Variants in MED1 observed in about 807,000 individuals in gnomAD.
MED1 encodes the protein mediator complex subunit 1, also known as mediator of RNA polymerase II transcription subunit 1.
Under a neutral mutation model 121.3 loss-of-function variants are expected in MED1, and 17 were observed. The observed-to-expected ratio is 0.14, with a 90% CI of 0.10 to 0.21. The LOEUF (loss-of-function observed/expected upper bound fraction) is 0.21. MED1 is among the 10% of genes least tolerant of loss of function. The probability of loss-of-function intolerance (pLI) is 1.00; values close to 1 mark genes in which losing one functional copy is unlikely to be tolerated. For missense variants in MED1, 1,558 were observed against 1,919.4 expected (o/e 0.81, Z 3.52); for synonymous variants, 661 against 694.4 (o/e 0.95, Z 0.76).
At chr17:39,437,722 G>A (rs981052664) in intron 6 of MED1, among the ~76,000 whole-genome samples, 6 of 151,912 alleles carry the variant, frequency 3.9e-5, no homozygotes, top group Non-Finnish European at 5.9e-5. Flanking sequence ...ATCACCTGAG[G>A]TCAGGAGTTT....
intron 14 of MED1, among the ~76,000 whole-genome samples, chr17:39,418,767 G>A (rs918168866): frequency 3.3e-5 from 5 of 150,840 alleles, no homozygotes; most frequent in Non-Finnish European, 5.9e-5. Context: ...GTTCATCTTC[G>A]TGTGGAAACA....
chr17:39,423,506 T>TC (rs1177842471), intron 12 of MED1, 61 bp from the exon 13 acceptor site: 1 of 1,462,820 alleles, frequency 6.8e-7, no homozygotes, highest in Non-Finnish European at 9.6e-7. Flanking sequence ...CAGCTCAGTT[T>TC]CCCCTTGATA....
chr17:39,422,188 G>A (rs1454545347), intron 13 of MED1, among the ~76,000 whole-genome samples: 1 of 150,686 alleles, frequency 6.6e-6, no homozygotes, highest in Admixed American at 6.6e-5. Context: ...TTTTTGAGAC[G>A]GAGTCTTGCT....
chr17:39,440,474 G>A lies in MED1; in HGVS notation c.311C>T (p.Thr104Met). ...LSASGTECYI[T>M]SDMFYVEVQL... ...CACTTCCACATAGAACATATCTGAC[G>A]TGATGTAACATTCAGTGCCACTGGC... is the stretch of plus-strand genomic sequence containing the variant. Residue 104 changes from threonine to methionine, a missense_variant, in exon 5 of 17, where the codon ACG (threonine) becomes ATG (methionine). This residue lies in a region of MED1 where 443 missense variants were observed against 532.4 expected (regional missense o/e 0.83). Transcript: ENST00000300651. This position sits in a 1 kb window ranked among gnomAD's most constrained non-coding sequence, Gnocchi z 4.1. 1.2e-6 allele frequency: 2 copies of A among 1,605,272 alleles called. No homozygotes were observed. The highest frequency in any genetic ancestry group is 1.7e-6 in the Non-Finnish European group (2 of 1,178,016).
chr17:39,408,486 T>G lies in MED1; in HGVS notation c.3735A>C (p.Ser1245=). The change falls in exon 17 of 17, where the codon TCA becomes TCC. Residue 1245 remains serine, a synonymous_variant. Transcript: ENST00000300651. The surrounding 1 kb of genome is among the most constrained non-coding windows in gnomAD (Gnocchi z 4.7). Reference sequence around the variant, plus strand: ...AGCCTGAGGATCCTAACCCTGAAGATGACTTCATGCCAGAGCTTGAACTAG... The same window carrying G: ...AGCCTGAGGATCCTAACCCTGAAGAGGACTTCATGCCAGAGCTTGAACTAG... ...SGTSSSSGMK[S]SSGLGSSGSL... is the part of the protein sequence containing the mutation. 4 of 1,614,190 alleles carry G rather than the reference T, an allele frequency of 2.5e-6. No individual in the cohort carries two copies. In the South Asian group the frequency reaches 4.4e-5, roughly 18 times the overall value.
At chr17:39,411,932 G>A (rs766840767) in intron 16 of MED1, among the ~76,000 whole-genome samples, 3 of 151,558 alleles carry the variant, frequency 2.0e-5, no homozygotes, top group Non-Finnish European at 2.9e-5. Context: ...GCTTGAACCC[G>A]GGAAGCAGAG....
In MED1 at chr17:39,422,481, T is replaced by G. The variant is rs559075080; in HGVS notation, c.1095+846A>C. Among the ~76,000 whole-genome samples, 45 of 144,358 alleles carry G rather than the reference T, an allele frequency of 3.1e-4. 1 individual carries two copies. The highest frequency in any genetic ancestry group is 9.9e-4 in the African/African-American group (38 of 38,550). The allele number at this position is 144,358 out of a possible 152,430, so 94.7% of individuals were successfully genotyped here. A position where few individuals can be genotyped will look rare whatever the true frequency, so the allele number is the denominator to read the frequency against. ...CACGCCCAGCCTCGTTTTTTTTTTTTTTTTTTTTTTTTGAGACGGAATTTC... is the reference window on the plus strand; with the variant it reads ...CACGCCCAGCCTCGTTTTTTTTTTTGTTTTTTTTTTTTGAGACGGAATTTC... On this transcript the variant is annotated intron_variant, in intron 13 of 16. Coordinates refer to ENST00000300651, the MANE Select transcript of MED1 (RefSeq NM_004774.4).
intron 1 of MED1, among the ~76,000 whole-genome samples, chr17:39,450,427 A>C (rs1195380195): frequency 6.6e-6 from 1 of 152,242 alleles, no homozygotes; most frequent in African/African-American, 2.4e-5. Context: ...TGGAGAAGAT[A>C]AACAATAACA....
intron 1 of MED1, among the ~76,000 whole-genome samples, chr17:39,450,312 T>TGTTTCTTGAGAA (rs1448468261): frequency 6.6e-6 from 1 of 152,152 alleles, no homozygotes; most frequent in Non-Finnish European, 1.5e-5. Context: ...TGCTGATAAA[T>TGTTTCTTGAGAA]ATCTGTACTT....
At chr17:39,411,217 G>T (rs898673505) in intron 16 of MED1, among the ~76,000 whole-genome samples, 10 of 152,112 alleles carry the variant, frequency 6.6e-5, no homozygotes, top group Non-Finnish European at 1.2e-4. Flanking sequence ...TACTCGGGAG[G>T]TTGAGGCAGG....
rs767704593 is a variant in MED1, at chr17:39,410,352, G to T, written c.1869C>A (p.Thr623=). 5.0e-6 allele frequency: 8 copies of T among 1,613,864 alleles called. No individual in the cohort carries two copies. Among genetic ancestry groups the T allele is most frequent in the Non-Finnish European group, 5.9e-6 (7 of 1,179,956 alleles). The change falls in exon 17 of 17, where the codon ACC becomes ACA. Residue 623 remains threonine, a synonymous_variant. Coordinates refer to ENST00000300651, the MANE Select transcript of MED1 (RefSeq NM_004774.4). ...NGGSTIGSSP[T]PPHHTPPPVS... The stretch of plus-strand genomic sequence containing the variant: ...CAGGTGGCGGCGTGTGATGAGGAGG[G>T]GTCGGACTCGAGCCAATGGTAGACC...
At chr17:39,412,499 G>C (rs1351505514) in intron 16 of MED1, among the ~76,000 whole-genome samples, 1 of 149,826 alleles carries the variant, frequency 6.7e-6, no homozygotes, top group East Asian at 2.0e-4. Flanking sequence ...TGGGATTATA[G>C]GCGTGAGCCA....
Position 39,419,804 on chromosome 17 carries a change from C to T in MED1, c.1210G>A (p.Val404Ile), listed in dbSNP as rs1291735132. 1 of 1,614,016 alleles carries T rather than the reference C, an allele frequency of 6.2e-7. No homozygotes were observed. The highest frequency in any genetic ancestry group is 8.5e-7 in the Non-Finnish European group (1 of 1,179,966). ...CTGATCAGATTTAGGATAAGAGGAACTCGGCCAGGGTGCTGAAAGGTGATT... is the reference window on the plus strand; with the variant it reads ...CTGATCAGATTTAGGATAAGAGGAATTCGGCCAGGGTGCTGAAAGGTGATT... ...SKITFQHPGRVPLILNLIRHQ... is the reference protein window; with the variant it reads ...SKITFQHPGRIPLILNLIRHQ... Residue 404 changes from valine to isoleucine, a missense_variant, in exon 14 of 17, where the codon GTT (valine) becomes ATT (isoleucine). Val to Ile is a conservative substitution (Grantham distance 29). Transcript: ENST00000300651.
Position 39,408,587 on chromosome 17 carries a change from C to T in MED1, c.3634G>A (p.Val1212Ile). Residue 1212 changes from valine (V) to isoleucine (I), a missense_variant, in exon 17 of 17, where the codon GTT becomes ATT. This residue lies in a region of MED1 where 793 missense variants were observed against 898.2 expected (regional missense o/e 0.88). Transcript: ENST00000300651. The surrounding 1 kb of genome is among the most constrained non-coding windows in gnomAD (Gnocchi z 4.7). Reference protein sequence around the residue: ...SDKLASPMKPVPGTPPSSKAK... With the variant: ...SDKLASPMKPIPGTPPSSKAK... ...TTAGAGGATGGAGGAGTTCCAGGAACAGGCTTCATTGGAGAGGCAAGCTTG... is the reference window on the plus strand; with the variant it reads ...TTAGAGGATGGAGGAGTTCCAGGAATAGGCTTCATTGGAGAGGCAAGCTTG... 2 of 1,614,158 alleles carry T rather than the reference C, an allele frequency of 1.2e-6. No individual in the cohort carries two copies. The highest frequency in any genetic ancestry group is 1.7e-6 in the Non-Finnish European group (2 of 1,180,032).
At chr17:39,435,249 A>C (rs749300922) in intron 6 of MED1, among the ~76,000 whole-genome samples, 22 of 152,124 alleles carry the variant, frequency 1.4e-4, no homozygotes, top group Non-Finnish European at 2.8e-4. Flanking sequence ...GAAAACAAAT[A>C]CTAGGACAGA....
intron 6 of MED1, among the ~76,000 whole-genome samples, chr17:39,437,282 T>C (rs2048629164): frequency 6.6e-6 from 1 of 152,180 alleles, no homozygotes. Flanking sequence ...TTCGCCAGGC[T>C]GGCTAGGCTG....
intron 14 of MED1, among the ~76,000 whole-genome samples, chr17:39,418,731 A>G (rs1413105533): frequency 6.6e-6 from 1 of 151,414 alleles, no homozygotes; most frequent in African/African-American, 2.4e-5. Flanking sequence ...TAGATTCCCA[A>G]CTCTTCCCAC....
In MED1 at chr17:39,408,598, G is replaced by C; in HGVS notation, c.3623C>G (p.Pro1208Arg). 4 of 1,614,182 alleles carry C rather than the reference G, an allele frequency of 2.5e-6. No individual in the cohort carries two copies. Among genetic ancestry groups the C allele is most frequent in the Non-Finnish European group, 3.4e-6 (4 of 1,180,036 alleles). ...AGGAGTTCCAGGAACAGGCTTCATT[G>C]GAGAGGCAAGCTTGTCAGAGCCTCC... is the stretch of plus-strand genomic sequence containing the variant. ...PPGGSDKLAS[P>R]MKPVPGTPPS... Residue 1208 changes from proline to arginine, a missense_variant, in exon 17 of 17, where the codon CCA (proline) becomes CGA (arginine). Pro to Arg is a moderately radical substitution (Grantham distance 103). This residue lies in a region of MED1 where 793 missense variants were observed against 898.2 expected (regional missense o/e 0.88). Transcript: ENST00000300651. This position sits in a 1 kb window ranked among gnomAD's most constrained non-coding sequence, Gnocchi z 4.7.
Position 39,414,735 on chromosome 17 carries a change from T to C in MED1, c.1499+291A>G, listed in dbSNP as rs2048391925. On this transcript the variant is annotated intron_variant, in intron 16 of 16. Coordinates refer to ENST00000300651, the MANE Select transcript of MED1 (RefSeq NM_004774.4). ...GTCAGGCTGGAGTGCAATGGCGCAA[T>C]CTTGGCTCACTGCAACCTCCACCTC... is the stretch of plus-strand genomic sequence containing the variant. Among the ~76,000 whole-genome samples, 3 of 140,756 alleles carry C rather than the reference T, an allele frequency of 2.1e-5. No individual in the cohort carries two copies. In the Admixed American group the frequency reaches 2.3e-4, roughly 11 times the overall value. 92.3% of individuals were successfully genotyped at this position (140,756 alleles called of 152,430 possible).
Sources: gnomAD v4.1 joint callset for allele counts (sites outside exome capture counted in the v4.1 genomes callset) on GRCh38, gnomAD v4.1.1 for gene constraint, gnomAD v4.1.1 regional missense constraint, Gnocchi (gnomAD v3.1) non-coding constraint, MANE v1.5 for transcripts, NCBI Gene and HGNC (gene_info 2026-07-23, HGNC 2026-07-21) for gene names.